Variants in STOX2 observed in about 807,000 individuals in gnomAD.
STOX2 encodes the protein storkhead-box protein 2.
Under a neutral mutation model 60.9 loss-of-function variants are expected in STOX2, and 28 were observed. The observed-to-expected ratio is 0.46, with a 90% CI of 0.34 to 0.63. STOX2 has a LOEUF of 0.63. Among genes scored for constraint, STOX2 ranks in the 30% least tolerant of loss-of-function variants. The pLI, the probability that STOX2 is intolerant of heterozygous loss-of-function variation, is 0.01. For synonymous variants in STOX2, 472 were observed against 463.9 expected, an observed-to-expected ratio of 1.02 and a Z score of -0.22; for missense variants, 1,024 against 1,187.7, an observed-to-expected ratio of 0.86 and a Z score of 2.03.
chr4:183,995,490 T>C (rs892148553), intron 1 of STOX2, among the ~76,000 whole-genome samples: 1 of 151,542 alleles, frequency 6.6e-6, no homozygotes, highest in African/African-American at 2.4e-5. Context: ...AAGGGGAAAA[T>C]AGATAGAGGG....
chr4:183,879,602 G>T (rs916716790), intron 1 of STOX2, among the ~76,000 whole-genome samples: 2 of 152,158 alleles, frequency 1.3e-5, no homozygotes, highest in African/African-American at 4.8e-5. Flanking sequence ...CAGATGCCTC[G>T]CGTTGGTGTG....
intron 1 of STOX2, among the ~76,000 whole-genome samples, chr4:183,846,318 A>C (rs917204267): frequency 6.6e-6 from 1 of 152,136 alleles, no homozygotes; most frequent in Admixed American, 6.6e-5. Context: ...GAGTTTGTTG[A>C]ATGTGTAGAT....
intron 1 of STOX2, among the ~76,000 whole-genome samples, chr4:183,936,411 TTC>T (rs1742592367): frequency 6.7e-6 from 1 of 148,218 alleles, no homozygotes; most frequent in Non-Finnish European, 1.5e-5. Flanking sequence ...TTTGCATATT[TTC>T]TCTCTTTTTT....
chr4:183,862,637 C>G (rs561899907), intron 1 of STOX2, among the ~76,000 whole-genome samples: 1 of 152,166 alleles, frequency 6.6e-6, no homozygotes. Context: ...GAGGCTGGCA[C>G]GCATTTGAGT....
chr4:183,941,050 T>C (rs763664748), intron 1 of STOX2, among the ~76,000 whole-genome samples: 2 of 152,192 alleles, frequency 1.3e-5, no homozygotes, highest in South Asian at 4.1e-4. Context: ...AGATCTAGCT[T>C]CTTTTATGTG....
chr4:183,984,309 C>T (rs570941126), intron 1 of STOX2, among the ~76,000 whole-genome samples: 5 of 152,172 alleles, frequency 3.3e-5, no homozygotes, highest in African/African-American at 9.7e-5. Context: ...GTTTCGACCC[C>T]GGTTCTTTTC....
intron 1 of STOX2, among the ~76,000 whole-genome samples, chr4:184,000,131 C>A (rs750195806): frequency 6.6e-6 from 1 of 152,082 alleles, no homozygotes; most frequent in Non-Finnish European, 1.5e-5. Context: ...ACAGGTGGCA[C>A]CCAGGTGTCA....
At chr4:183,835,085 C>G (rs1259222242) in intron 1 of STOX2, among the ~76,000 whole-genome samples, 2 of 151,090 alleles carry the variant, frequency 1.3e-5, no homozygotes, top group Admixed American at 1.3e-4. Context: ...TCTAGCTCCT[C>G]TTCTTAACAA....
At chr4:183,986,164 GATGAGA>G (rs1248438038) in intron 1 of STOX2, among the ~76,000 whole-genome samples, 3 of 152,156 alleles carry the variant, frequency 2.0e-5, no homozygotes, top group Non-Finnish European at 4.4e-5. Context: ...GAAGAAAAGG[GATGAGA>G]ATGTATAAAT....
intron 1 of STOX2, among the ~76,000 whole-genome samples, chr4:183,799,966 G>A (rs1738722687): frequency 6.6e-6 from 1 of 152,110 alleles, no homozygotes; most frequent in Admixed American, 6.6e-5. Flanking sequence ...ACCCTCAGAG[G>A]AAGCAGAGGG....
At chr4:183,984,922 G>A (rs769905270) in intron 1 of STOX2, among the ~76,000 whole-genome samples, 2 of 152,160 alleles carry the variant, frequency 1.3e-5, no homozygotes, top group South Asian at 2.1e-4. Flanking sequence ...ATCAGACGCC[G>A]AGATTTAAAG....
chr4:183,879,955 C>T (rs1740918024), intron 1 of STOX2, among the ~76,000 whole-genome samples: 1 of 152,064 alleles, frequency 6.6e-6, no homozygotes, highest in African/African-American at 2.4e-5. Context: ...TAGCTACAGC[C>T]TTAGGAAAGG....
chr4:183,949,495 C>T (rs527473036), intron 1 of STOX2, among the ~76,000 whole-genome samples: 10 of 152,042 alleles, frequency 6.6e-5, no homozygotes, highest in South Asian at 2.1e-4. Context: ...GTCAGGAGTT[C>T]GAGACCAGCC....
rs556042850 is a variant in STOX2 at position 183,825,968 on chromosome 4, GTAATCTATCACC to G, written c.364+27915_364+27926del. On this transcript the variant is annotated intron_variant, in intron 1 of 2. Transcript: ENST00000513034. This position sits in a 1 kb window ranked among gnomAD's most constrained non-coding sequence, Gnocchi z 4.1. ...CATTTGCAGTCGCTGAAACCTTTGG[GTAATCTATCACC>G]TCTTCTTCTGCTCTTTCCTGTTTGT... 5.3e-4 allele frequency among the ~76,000 whole-genome samples: 80 copies of G among 152,136 alleles called. No individual in the cohort carries two copies. The East Asian group carries it at 5.8e-3, about 11-fold the overall frequency.
At chr4:183,964,233 T>A (rs768801275) in intron 1 of STOX2, among the ~76,000 whole-genome samples, 11 of 152,218 alleles carry the variant, frequency 7.2e-5, no homozygotes, top group Non-Finnish European at 1.3e-4. Flanking sequence ...GTTCTTCCGA[T>A]GGGGTGCTGA....
At chr4:183,919,779 A>AT (rs1262084781) in intron 1 of STOX2, among the ~76,000 whole-genome samples, 1 of 151,720 alleles carries the variant, frequency 6.6e-6, no homozygotes, top group Non-Finnish European at 1.5e-5. Context: ...CTATTTTTAA[A>AT]TTTTTTTGTA....
At chr4:184,004,910 C>G (rs1733760174) in intron 2 of STOX2, among the ~76,000 whole-genome samples, 1 of 152,226 alleles carries the variant, frequency 6.6e-6, no homozygotes, top group Non-Finnish European at 1.5e-5. Flanking sequence ...GGACATAGAG[C>G]TAGACCCTAT....
chr4:183,857,495 CA>C (rs1354812815), intron 1 of STOX2, among the ~76,000 whole-genome samples: 5 of 55,254 alleles, frequency 9.0e-5, no homozygotes, highest in Non-Finnish European at 2.0e-4. Flanking sequence ...CAGCCTTCCA[CA>C]TACTGACATG....
Position 183,844,260 on chromosome 4 carries a change from A to G in STOX2, c.364+46205A>G, listed in dbSNP as rs1022710344. Among the ~76,000 whole-genome samples the G allele has an allele frequency of 2.4e-4, 37 of 152,236 alleles. 1 individual carries two copies. Among genetic ancestry groups the G allele is most frequent in the African/African-American group, 8.2e-4 (34 of 41,550 alleles). The stretch of plus-strand genomic sequence containing the variant: ...GTTCCGGTTGAATATTTTGGTACTG[A>G]AAAATGTCTTCAGGAAAGCAACAAT... On this transcript the variant is annotated intron_variant, in intron 1 of 2. Coordinates refer to the STOX2 transcript ENST00000513034.
Sources: allele counts gnomAD v4.1 joint callset (sites outside exome capture counted in the v4.1 genomes callset), GRCh38; gene constraint gnomAD v4.1.1; non-coding constraint Gnocchi (gnomAD v3.1); transcripts MANE v1.5; gene names NCBI Gene and HGNC (gene_info 2026-07-23, HGNC 2026-07-21).